Variants in GABBR2 observed in about 807,000 individuals in gnomAD.
GABBR2 encodes the protein gamma-aminobutyric acid type B receptor subunit 2.
GABBR2 carries 23 observed loss-of-function variants against 105.6 expected under a neutral mutation model. That is an observed-to-expected ratio of 0.22 (90% CI 0.16 to 0.31). The LOEUF is 0.31. Ranked by LOEUF, GABBR2 falls within the 10% of genes least tolerant of loss-of-function variation. The probability of loss-of-function intolerance (pLI) is 1.00; values close to 1 mark genes in which losing one functional copy is unlikely to be tolerated. For synonymous variants in GABBR2, 478 were observed against 499.7 expected, an observed-to-expected ratio of 0.96 and a Z score of 0.58; for missense variants, 734 against 1,245.5, an observed-to-expected ratio of 0.59 and a Z score of 6.18.
At chr9:98,403,338 G>A (rs1588142953) in intron 8 of GABBR2, among the ~76,000 whole-genome samples, 1 of 151,458 alleles carries the variant, frequency 6.6e-6, no homozygotes, top group African/African-American at 2.4e-5. Context: ...GGAGCATCTG[G>A]CCTTTATTGA....
In GABBR2 at chr9:98,585,555, T is replaced by C. The variant is rs113913961; in HGVS notation, c.322-7483A>G. Among the ~76,000 whole-genome samples the C allele has an allele frequency of 4.7e-3, 707 of 151,320 alleles. 6 individuals carry two copies. The highest frequency in any genetic ancestry group is 0.016 in the African/African-American group (649 of 41,126). On this transcript the variant is annotated intron_variant, in intron 1 of 18. Coordinates refer to ENST00000259455, the MANE Select transcript of GABBR2 (RefSeq NM_005458.8). ...TACCTAATGCTAAATGATGAGTTAATGGGTGCAGCACACCAACATGGCACA... is the reference window on the plus strand; with the variant it reads ...TACCTAATGCTAAATGATGAGTTAACGGGTGCAGCACACCAACATGGCACA...
rs1378601669 is a variant in GABBR2, at chr9:98,436,346, A to T, written c.1236+17635T>A. Among the ~76,000 whole-genome samples the T allele has an allele frequency of 1.0e-3, 20 of 19,388 alleles. 1 individual carries two copies. Among genetic ancestry groups the T allele is most frequent in the South Asian group, 2.6e-3 (2 of 770 alleles). 12.7% of individuals were successfully genotyped at this position (19,388 alleles called of 152,430 possible). On this transcript the variant is annotated intron_variant, in intron 7 of 18. Transcript: ENST00000259455. ...TATATATATATACACACACACACAC[A>T]CCATATATATATATATATATATATA...
At chr9:98,422,898 G>A (rs576442624) in intron 7 of GABBR2, among the ~76,000 whole-genome samples, 33 of 152,048 alleles carry the variant, frequency 2.2e-4, no homozygotes, top group Admixed American at 3.9e-4. Context: ...TACTGAGAAT[G>A]ATGATTTCCA....
intron 13 of GABBR2, among the ~76,000 whole-genome samples, chr9:98,347,828 CAT>C (rs1018877453): frequency 1.3e-5 from 2 of 152,142 alleles, no homozygotes; most frequent in African/African-American, 4.8e-5. Flanking sequence ...ATAATCCCCA[CAT>C]GTCAAGGGTG....
intron 11 of GABBR2, among the ~76,000 whole-genome samples, chr9:98,373,851 CTTTTTT>C (rs577915397): frequency 7.5e-4 from 65 of 86,690 alleles, no homozygotes; most frequent in Middle Eastern, 0.012. Context: ...CAAAGCATTC[CTTTTTT>C]TTTTTTTTTT....
chr9:98,358,684 G>T (rs1390134190), intron 13 of GABBR2, among the ~76,000 whole-genome samples: 1 of 152,236 alleles, frequency 6.6e-6, no homozygotes, highest in Non-Finnish European at 1.5e-5. Context: ...TCACTTTGGG[G>T]CATGAGGAGG....
intron 13 of GABBR2, among the ~76,000 whole-genome samples, chr9:98,349,120 AT>A (rs35043735): frequency 0.62 from 94,184 of 151,714 alleles, 30,784 homozygotes; most frequent in Admixed American, 0.73. Context: ...AATTTGTTGA[AT>A]TTTTTTTTAT....
Position 98,541,999 on chromosome 9 carries a change from T to C in GABBR2, c.504A>G (p.Lys168=). ...ATTPVLADKK[K]YPYFFRTVPS... ...GGACGGTCCGAAAGAAATAAGGGTA[T>C]TTTTTCTTATCGGCTAGAACAGGCG... Residue 168 remains lysine, a synonymous_variant, in exon 3 of 19, where the codon AAA becomes AAG. Coordinates refer to ENST00000259455, the MANE Select transcript of GABBR2 (RefSeq NM_005458.8). 6.2e-7 allele frequency: 1 copy of C among 1,614,174 alleles called. No individual in the cohort carries two copies. Among genetic ancestry groups the C allele is most frequent in the Non-Finnish European group, 8.5e-7 (1 of 1,180,002 alleles).
chr9:98,657,390 T>C (rs1342647750), intron 1 of GABBR2, among the ~76,000 whole-genome samples: 2 of 152,218 alleles, frequency 1.3e-5, no homozygotes. Flanking sequence ...TTAAAAACCC[T>C]CCCAGCAGGC....
intron 1 of GABBR2, among the ~76,000 whole-genome samples, chr9:98,685,984 T>G (rs895596065): frequency 6.6e-6 from 1 of 152,096 alleles, no homozygotes; most frequent in Admixed American, 6.5e-5. Flanking sequence ...CCACTGCACC[T>G]AGCCTTGACT....
chr9:98,354,788 G>C lies in GABBR2; in HGVS notation c.1893+7927C>G, dbSNP rs968080231. Among the ~76,000 whole-genome samples the C allele has an allele frequency of 2.6e-5, 4 of 152,154 alleles. No individual in the cohort carries two copies. The South Asian group carries it at 6.2e-4, about 24-fold the overall frequency. On this transcript the variant is annotated intron_variant, in intron 13 of 18. Transcript: ENST00000259455. ...CAAATATTCTCCATATCAGCCATAA[G>C]GCTGTTTTGCTTTCTTATCATTCAT...
chr9:98,622,883 C>A (rs1829688443), intron 1 of GABBR2, among the ~76,000 whole-genome samples: 1 of 152,208 alleles, frequency 6.6e-6, no homozygotes, highest in Non-Finnish European at 1.5e-5. Context: ...CCATACAATT[C>A]TGTAATGGTG....
chr9:98,376,883 G>A (rs1156505253), intron 11 of GABBR2, among the ~76,000 whole-genome samples: 1 of 152,146 alleles, frequency 6.6e-6, no homozygotes, highest in African/African-American at 2.4e-5. Flanking sequence ...GGGCAAATCA[G>A]AGAGAGGTTT....
At chr9:98,396,829 C>T (rs147635380) in intron 8 of GABBR2, among the ~76,000 whole-genome samples, 2 of 152,196 alleles carry the variant, frequency 1.3e-5, no homozygotes, top group African/African-American at 2.4e-5. Flanking sequence ...GACTCACATA[C>T]GCTGCTGTAT....
intron 1 of GABBR2, among the ~76,000 whole-genome samples, chr9:98,608,744 A>T (rs1047051536): frequency 6.6e-6 from 1 of 152,144 alleles, no homozygotes; most frequent in African/African-American, 2.4e-5. Flanking sequence ...TATTATTCTC[A>T]TTTAGTGCAC....
intron 6 of GABBR2, among the ~76,000 whole-genome samples, chr9:98,458,265 C>T (rs1211064286): frequency 1.3e-5 from 2 of 152,224 alleles, no homozygotes; most frequent in African/African-American, 4.8e-5. Flanking sequence ...CTGATCCCCA[C>T]AGAGGTGAAA....
intron 1 of GABBR2, among the ~76,000 whole-genome samples, chr9:98,688,394 CAT>C (rs34589145): frequency 0.11 from 14,922 of 140,484 alleles, 2,107 homozygotes; most frequent in African/African-American, 0.3. Context: ...TATGTGGTTT[CAT>C]ATATATATAT....
chr9:98,379,975 T>C (rs1164592506), intron 11 of GABBR2, among the ~76,000 whole-genome samples: 12 of 152,198 alleles, frequency 7.9e-5, no homozygotes, highest in Non-Finnish European at 1.6e-4. Context: ...GTTGACTTTT[T>C]TTTTTTTTCT....
chr9:98,501,568 T>C (rs901443848), intron 3 of GABBR2, among the ~76,000 whole-genome samples: 1 of 152,184 alleles, frequency 6.6e-6, no homozygotes, highest in Non-Finnish European at 1.5e-5. Flanking sequence ...CAGTTCTGCT[T>C]GCCTTTATCA....
Sources: gnomAD v4.1 joint callset for allele counts (sites outside exome capture counted in the v4.1 genomes callset) on GRCh38, gnomAD v4.1.1 for gene constraint, MANE v1.5 for transcripts, NCBI Gene and HGNC (gene_info 2026-07-23, HGNC 2026-07-21) for gene names.